Variants in CSMD1 observed in about 807,000 individuals in gnomAD.
The protein encoded by CSMD1 is CUB and sushi domain-containing protein 1.
CSMD1 carries 213 observed loss-of-function variants against 417.5 expected under a neutral mutation model. The observed-to-expected ratio is 0.51, with a 90% CI of 0.46 to 0.57. The LOEUF (loss-of-function observed/expected upper bound fraction) is 0.57. Ranked by LOEUF, CSMD1 falls within the 20% of genes least tolerant of loss-of-function variation. The pLI is 0.00. For synonymous variants in CSMD1, 2,862 were observed against 1,736.8 expected, an observed-to-expected ratio of 1.65 and a Z score of -16.11; for missense variants, 6,923 against 4,529.7, an observed-to-expected ratio of 1.53 and a Z score of -15.17.
At chr8:4,613,297 C>A (rs1029147704) in intron 2 of CSMD1, among the ~76,000 whole-genome samples, 2 of 152,142 alleles carry the variant, frequency 1.3e-5, no homozygotes, top group African/African-American at 4.8e-5. Flanking sequence ...CTCCGAGTGC[C>A]CATTGCACTA....
intron 23 of CSMD1, among the ~76,000 whole-genome samples, chr8:3,337,017 C>T (rs544521313): frequency 1.3e-5 from 2 of 152,256 alleles, no homozygotes; most frequent in African/African-American, 4.8e-5. Context: ...GAGGGTGTGT[C>T]CTGTGAACTG....
chr8:3,375,734 C>T (rs1301491384), intron 18 of CSMD1, among the ~76,000 whole-genome samples: 2 of 152,056 alleles, frequency 1.3e-5, no homozygotes, highest in African/African-American at 4.8e-5. Flanking sequence ...TCAGAAAAAC[C>T]CTGGGGTCCT....
chr8:4,643,091 T>G (rs779761551), intron 1 of CSMD1, among the ~76,000 whole-genome samples: 1 of 152,006 alleles, frequency 6.6e-6, no homozygotes, highest in Non-Finnish European at 1.5e-5. Flanking sequence ...GTAAATAGAG[T>G]CCAGGCAGAA....
At chr8:3,791,460 C>G (rs1054259137) in intron 5 of CSMD1, among the ~76,000 whole-genome samples, 2 of 152,212 alleles carry the variant, frequency 1.3e-5, no homozygotes, top group African/African-American at 4.8e-5. Flanking sequence ...TGATACGTAG[C>G]TTGTAATACG....
intron 1 of CSMD1, among the ~76,000 whole-genome samples, chr8:4,718,827 A>T (rs1288957597): frequency 6.6e-6 from 1 of 152,054 alleles, no homozygotes; most frequent in Non-Finnish European, 1.5e-5. Context: ...TCAAGACCAA[A>T]TTTTTAAAGA....
intron 26 of CSMD1, among the ~76,000 whole-genome samples, chr8:3,270,530 C>G (rs924612729): frequency 3.9e-5 from 6 of 152,142 alleles, no homozygotes; most frequent in African/African-American, 1.2e-4. Context: ...CAACTGGTAT[C>G]AAAATTTTAA....
intron 1 of CSMD1, among the ~76,000 whole-genome samples, chr8:4,743,764 T>C (rs1810775088): frequency 6.6e-6 from 1 of 152,178 alleles, no homozygotes; most frequent in Non-Finnish European, 1.5e-5. Context: ...ACCTTGAAGT[T>C]TTGCCTATTA....
chr8:3,612,928 C>T (rs562038261), intron 8 of CSMD1, among the ~76,000 whole-genome samples: 26 of 151,920 alleles, frequency 1.7e-4, no homozygotes, highest in African/African-American at 6.0e-4. Context: ...AATAAGAGGT[C>T]AGAGCAGAAA....
At chr8:4,378,629 A>G (rs765521562) in intron 3 of CSMD1, among the ~76,000 whole-genome samples, 7 of 152,224 alleles carry the variant, frequency 4.6e-5, no homozygotes, top group Non-Finnish European at 8.8e-5. Flanking sequence ...GTTTGAAGAC[A>G]AAAAGAATAG....
intron 26 of CSMD1, among the ~76,000 whole-genome samples, chr8:3,230,814 T>C (rs1029364099): frequency 6.6e-6 from 1 of 152,114 alleles, no homozygotes; most frequent in African/African-American, 2.4e-5. Context: ...AGTTGGACAA[T>C]ATATTATATG....
intron 2 of CSMD1, among the ~76,000 whole-genome samples, chr8:4,493,444 C>T (rs1010938943): frequency 6.6e-6 from 1 of 152,086 alleles, no homozygotes; most frequent in African/African-American, 2.4e-5. Flanking sequence ...GCCTGTAATG[C>T]CAACACTTTG....
At position 3,308,503 on chromosome 8, in the gene CSMD1, C is replaced by A. The variant is rs987157493; in HGVS notation, c.3632G>T (p.Ser1211Ile). 5 of 1,608,490 alleles carry A rather than the reference C, an allele frequency of 3.1e-6. No homozygotes were observed. The East Asian group carries it at 1.1e-4, about 36-fold the overall frequency. ...TDQGFQLTYTSFDLVKCEDPG... is the reference protein window; with the variant it reads ...TDQGFQLTYTIFDLVKCEDPG... ...ATCCTCACATTTTACCAGATCAAAA[C>A]CTGCAAGAGAGAAAGGCAAGGAATG... Residue 1211 changes from serine to isoleucine, a missense_variant and splice_region_variant, in exon 24 of 70, where the codon AGT becomes ATT. By Grantham distance (142) the Ser-to-Ile change is moderately radical. Coordinates refer to ENST00000635120, the MANE Select transcript of CSMD1 (RefSeq NM_033225.6).
chr8:3,022,984 T>G (rs529614292), intron 51 of CSMD1, among the ~76,000 whole-genome samples: 61 of 152,340 alleles, frequency 4.0e-4, no homozygotes, highest in Middle Eastern at 6.8e-3. Context: ...TCACTACAGT[T>G]ATTTGATGTT....
At chr8:3,670,511 TATATATCCTATATAC>T (rs1160586929) in intron 7 of CSMD1, among the ~76,000 whole-genome samples, 21 of 139,814 alleles carry the variant, frequency 1.5e-4, no homozygotes, top group African/African-American at 4.7e-4. Context: ...CATATATATA[TATATATCCTATATAC>T]ATATATCCCA....
chr8:4,588,953 T>C (rs1179251395), intron 2 of CSMD1, among the ~76,000 whole-genome samples: 1 of 152,130 alleles, frequency 6.6e-6, no homozygotes, highest in Non-Finnish European at 1.5e-5. Context: ...CCTTTAAGTA[T>C]AGTAGAGCCA....
chr8:4,810,119 A>G (rs1798811458), intron 1 of CSMD1, among the ~76,000 whole-genome samples: 1 of 152,224 alleles, frequency 6.6e-6, no homozygotes, highest in Non-Finnish European at 1.5e-5. Context: ...ACAAAACCTT[A>G]GTTAAGGATT....
chr8:4,490,436 T>A (rs1035035553), intron 2 of CSMD1, among the ~76,000 whole-genome samples: 1 of 152,230 alleles, frequency 6.6e-6, no homozygotes, highest in Non-Finnish European at 1.5e-5. Context: ...TACTATTGGT[T>A]TTAACTTTTA....
rs2052600 is a variant in CSMD1, at chr8:3,318,437, C to G, written c.3632-9934G>C. ...GATATTTTGCTAGACGCCGAAGATA[C>G]AAAATTAACTGACCTCAGTCCTTGC... On this transcript the variant is annotated intron_variant, in intron 23 of 69. Coordinates refer to ENST00000635120, the MANE Select transcript of CSMD1 (RefSeq NM_033225.6). Among the ~76,000 whole-genome samples, 13 of 152,122 alleles carry G rather than the reference C, an allele frequency of 8.5e-5. No homozygotes were observed. In the East Asian group the frequency reaches 2.1e-3, roughly 25 times the overall value.
chr8:3,364,736 G>C (rs529249423), intron 20 of CSMD1, among the ~76,000 whole-genome samples: 1 of 152,310 alleles, frequency 6.6e-6, no homozygotes, highest in East Asian at 1.9e-4. Flanking sequence ...TGATGTCACA[G>C]CAAGAAGGCT....
Sources: allele counts gnomAD v4.1 joint callset (sites outside exome capture counted in the v4.1 genomes callset), GRCh38; gene constraint gnomAD v4.1.1; transcripts MANE v1.5; gene names NCBI Gene and HGNC (gene_info 2026-07-23, HGNC 2026-07-21).